Variants in CFAP20DC observed in about 807,000 individuals in gnomAD.
The protein encoded by CFAP20DC is CFAP20 domain containing, also known as protein CFAP20DC.
In CFAP20DC, 84 loss-of-function variants were observed where a neutral mutation model predicts 101.7. The observed-to-expected ratio is 0.83, with a 90% CI of 0.69 to 0.99. The LOEUF (loss-of-function observed/expected upper bound fraction) is 0.99, where lower values mean the gene tolerates loss of function less well. Ranked by LOEUF, CFAP20DC falls within the 50% of genes least tolerant of loss-of-function variation. The pLI is 0.00. For synonymous variants in CFAP20DC, 359 were observed against 351.2 expected, an observed-to-expected ratio of 1.02 and a Z score of -0.25; for missense variants, 1,007 against 970.3, an observed-to-expected ratio of 1.04 and a Z score of -0.50.
chr3:58,761,171 T>G (rs2069548368), intron 15 of CFAP20DC, among the ~76,000 whole-genome samples: 2 of 152,164 alleles, frequency 1.3e-5, no homozygotes, highest in Admixed American at 6.5e-5. Context: ...GTTCTGGACT[T>G]TTTTTGGTTG....
chr3:58,934,202 C>A (rs908409529), intron 5 of CFAP20DC, among the ~76,000 whole-genome samples: 1 of 152,194 alleles, frequency 6.6e-6, no homozygotes, highest in Non-Finnish European at 1.5e-5. Context: ...GACACATACA[C>A]CCTCCCAAGA....
In CFAP20DC at chr3:59,028,841, A is replaced by G. The variant is rs946832946; in HGVS notation, c.278+10716T>C. On this transcript the variant is annotated intron_variant, in intron 4 of 16. Coordinates refer to ENST00000482387, the MANE Select transcript of CFAP20DC (RefSeq NM_001394063.1). ...ATGTTAGCCATTATTATTACTTTACATTAGCTTTCTCATTTAATGCTTATG... is the reference window on the plus strand; with the variant it reads ...ATGTTAGCCATTATTATTACTTTACGTTAGCTTTCTCATTTAATGCTTATG... Among the ~76,000 whole-genome samples, 23 of 152,178 alleles carry G rather than the reference A, an allele frequency of 1.5e-4. 1 individual carries two copies. Among genetic ancestry groups the G allele is most frequent in the African/African-American group, 5.3e-4 (22 of 41,434 alleles).
chr3:58,937,120 A>C (rs1241035669), intron 5 of CFAP20DC, among the ~76,000 whole-genome samples: 2 of 152,174 alleles, frequency 1.3e-5, no homozygotes, highest in Non-Finnish European at 2.9e-5. Flanking sequence ...AACGTACTTA[A>C]AATGTCTGAA....
intron 15 of CFAP20DC, among the ~76,000 whole-genome samples, chr3:58,762,179 T>C (rs1468060156): frequency 1.3e-5 from 2 of 152,166 alleles, no homozygotes; most frequent in African/African-American, 4.8e-5. Context: ...TCTAAGTCTC[T>C]TTGTAGGTCT....
At position 58,724,013 on chromosome 3, in the gene CFAP20DC, C is replaced by T. The variant is rs2067511329; in HGVS notation, c.198-6385G>A. 1.3e-5 allele frequency among the ~76,000 whole-genome samples: 2 copies of T among 152,276 alleles called. No homozygotes were observed. The highest frequency in any genetic ancestry group is 4.1e-4 in the South Asian group (2 of 4,824). ...AGAGGACAAACATTCATTCGCTGGTCTCTGTTCTTGGGGAAGTAACATAGA... is the reference window on the plus strand; with the variant it reads ...AGAGGACAAACATTCATTCGCTGGTTTCTGTTCTTGGGGAAGTAACATAGA... On this transcript the variant is annotated intron_variant, in intron 3 of 3. Coordinates refer to the CFAP20DC transcript ENST00000486145. The surrounding 1 kb of genome is among the most constrained non-coding windows in gnomAD (Gnocchi z 5.6).
intron 7 of CFAP20DC, among the ~76,000 whole-genome samples, chr3:58,876,800 C>T (rs897548055): frequency 6.6e-6 from 1 of 152,158 alleles, no homozygotes; most frequent in Non-Finnish European, 1.5e-5. Flanking sequence ...ATGCTCAAGA[C>T]TTACATCTAT....
chr3:58,980,177 C>G (rs997834118), intron 4 of CFAP20DC, among the ~76,000 whole-genome samples: 2 of 152,112 alleles, frequency 1.3e-5, no homozygotes, highest in African/African-American at 4.8e-5. Context: ...AGCTTGATAG[C>G]TCTTAATGCC....
At chr3:59,023,774 T>A (rs187889546) in intron 4 of CFAP20DC, among the ~76,000 whole-genome samples, 4 of 152,186 alleles carry the variant, frequency 2.6e-5, no homozygotes, top group Admixed American at 1.3e-4. Flanking sequence ...TTAGAGTACC[T>A]CGAAACACAG....
chr3:58,823,037 C>T (rs912582684), intron 14 of CFAP20DC, among the ~76,000 whole-genome samples: 1 of 152,104 alleles, frequency 6.6e-6, no homozygotes, highest in African/African-American at 2.4e-5. Flanking sequence ...ATCTCCTTTG[C>T]CCAATCATAT....
intron 15 of CFAP20DC, among the ~76,000 whole-genome samples, chr3:58,804,764 G>A (rs2073941441): frequency 6.6e-6 from 1 of 152,166 alleles, no homozygotes; most frequent in South Asian, 2.1e-4. Flanking sequence ...AAATCTAGAT[G>A]AGCTGCAAGA....
rs565953415 is a variant in CFAP20DC, at chr3:58,822,276, C to T, written c.2175+9410G>A. On this transcript the variant is annotated intron_variant, in intron 14 of 16. Transcript: ENST00000482387. ...TAACCTGCACAATGTGCACATGTACCGTAAAACTTAAAGTATAATAAAAAA... is the reference window on the plus strand; with the variant it reads ...TAACCTGCACAATGTGCACATGTACTGTAAAACTTAAAGTATAATAAAAAA... Among the ~76,000 whole-genome samples the T allele has an allele frequency of 5.3e-4, 78 of 145,842 alleles. 3 individuals carry two copies. The South Asian group carries it at 0.016, about 31-fold the overall frequency.
At chr3:58,789,803 G>A (rs902710557) in intron 15 of CFAP20DC, among the ~76,000 whole-genome samples, 3 of 152,096 alleles carry the variant, frequency 2.0e-5, no homozygotes, top group Admixed American at 6.6e-5. Flanking sequence ...ATTATTGTGA[G>A]TAAATTAGGC....
chr3:58,899,338 G>A lies in CFAP20DC; in HGVS notation c.550+14370C>T, dbSNP rs1170012767. Among the ~76,000 whole-genome samples, 3 of 152,348 alleles carry A rather than the reference G, an allele frequency of 2.0e-5. No individual in the cohort carries two copies. Among genetic ancestry groups the A allele is most frequent in the Non-Finnish European group, 4.4e-5 (3 of 68,036 alleles). On this transcript the variant is annotated intron_variant, in intron 6 of 16. Coordinates refer to ENST00000482387, the MANE Select transcript of CFAP20DC (RefSeq NM_001394063.1). The surrounding 1 kb of genome is among the most constrained non-coding windows in gnomAD (Gnocchi z 5.0). ...GATGTTGGCCACCCCTCCCACTGGG[G>A]ACTCGGTCCTTCTCAGGCAGACTCA...
chr3:58,764,315 T>C (rs2070038309), intron 15 of CFAP20DC, among the ~76,000 whole-genome samples: 2 of 152,100 alleles, frequency 1.3e-5, no homozygotes, highest in African/African-American at 4.8e-5. Context: ...GAGGCTCCGT[T>C]GGTGTAGGAT....
intron 7 of CFAP20DC, among the ~76,000 whole-genome samples, chr3:58,883,106 A>G (rs1029640340): frequency 6.6e-6 from 1 of 152,196 alleles, no homozygotes; most frequent in African/African-American, 2.4e-5. Flanking sequence ...TTTTCATATC[A>G]TGGTTATCTC....
intron 4 of CFAP20DC, among the ~76,000 whole-genome samples, chr3:58,994,940 T>C (rs920490124): frequency 6.6e-6 from 1 of 152,072 alleles, no homozygotes; most frequent in African/African-American, 2.4e-5. Flanking sequence ...CAGGGGGAGC[T>C]ATGGTACTAT....
At chr3:58,978,964 C>G (rs1312376773) in intron 4 of CFAP20DC, among the ~76,000 whole-genome samples, 1 of 152,148 alleles carries the variant, frequency 6.6e-6, no homozygotes, top group Admixed American at 6.5e-5. Context: ...CTATATTCTT[C>G]AAGCCTAACC....
chr3:58,725,394 C>A (rs2067534678), intron 3 of CFAP20DC, among the ~76,000 whole-genome samples: 1 of 152,128 alleles, frequency 6.6e-6, no homozygotes, highest in Admixed American at 6.5e-5. Context: ...TTTGGTTTTT[C>A]CCAGCACCCT....
At chr3:58,818,452 C>G (rs1447321822) in intron 14 of CFAP20DC, among the ~76,000 whole-genome samples, 4 of 151,338 alleles carry the variant, frequency 2.6e-5, no homozygotes, top group Non-Finnish European at 5.9e-5. Flanking sequence ...GAAGATCTAC[C>G]AAGCAAATGG....
Sources: gnomAD v4.1 joint callset for allele counts (sites outside exome capture counted in the v4.1 genomes callset) on GRCh38, gnomAD v4.1.1 for gene constraint, Gnocchi (gnomAD v3.1) non-coding constraint, MANE v1.5 for transcripts, NCBI Gene and HGNC (gene_info 2026-07-23, HGNC 2026-07-21) for gene names.